Variants in AGMO observed in about 807,000 individuals in gnomAD.
The protein encoded by AGMO is glyceryl-ether monooxygenase.
A neutral mutation model predicts 60.2 loss-of-function variants in AGMO; 75 were observed. The observed-to-expected ratio is 1.25, with a 90% CI of 1.03 to 1.51. The LOEUF (loss-of-function observed/expected upper bound fraction) is 1.51, where lower values mean the gene tolerates loss of function less well. Ranked by LOEUF, AGMO falls within the 40% of genes most tolerant of loss-of-function variation. The probability of loss-of-function intolerance (pLI) is 0.00; values close to 1 mark genes in which losing one functional copy is unlikely to be tolerated. For synonymous variants in AGMO, 261 were observed against 177.1 expected, an observed-to-expected ratio of 1.47 and a Z score of -3.76; for missense variants, 763 against 525.5, an observed-to-expected ratio of 1.45 and a Z score of -4.42.
At chr7:15,271,510 T>A (rs908560673) in intron 12 of AGMO, among the ~76,000 whole-genome samples, 2 of 152,298 alleles carry the variant, frequency 1.3e-5, no homozygotes, top group East Asian at 3.9e-4. Context: ...CTTTTTATGT[T>A]AATTTTGTAT....
chr7:15,313,772 A>T (rs994772804), intron 12 of AGMO, among the ~76,000 whole-genome samples: 8 of 152,130 alleles, frequency 5.3e-5, no homozygotes, highest in African/African-American at 1.4e-4. Context: ...CCTATGATAA[A>T]GTTTAATTTA....
At chr7:15,194,845 CCT>C in the AGMO span, among the ~76,000 whole-genome samples, 78 of 152,164 alleles carry the variant, frequency 5.1e-4, no homozygotes, top group Middle Eastern at 0.01. Context: ...TCCAATACCC[CCT>C]GTCTAGAGAG....
At chr7:15,412,140 A>G (rs1034103569) in intron 5 of AGMO, among the ~76,000 whole-genome samples, 8 of 152,102 alleles carry the variant, frequency 5.3e-5, no homozygotes, top group African/African-American at 1.9e-4. Context: ...ATATTACTTC[A>G]TAATTCTGCT....
At position 15,365,622 on chromosome 7, in the gene AGMO, G is replaced by T; in HGVS notation, c.1158-3C>A. The T allele has an allele frequency of 6.2e-7, 1 of 1,602,580 alleles. No homozygotes were observed. The highest frequency in any genetic ancestry group is 8.5e-7 in the Non-Finnish European group (1 of 1,170,394). ...TTTCCATAATAGCTGCCTTGGGTCT[G>T]AAATAAAATGTCATTAACATGCATT... On this transcript the variant is annotated splice_region_variant and splice_polypyrimidine_tract_variant and intron_variant, in intron 11 of 12. Coordinates refer to ENST00000342526, the MANE Select transcript of AGMO (RefSeq NM_001004320.2).
At chr7:15,426,733 G>C (rs1001617072) in intron 4 of AGMO, among the ~76,000 whole-genome samples, 3 of 151,576 alleles carry the variant, frequency 2.0e-5, no homozygotes, top group African/African-American at 7.3e-5. Context: ...GGGCGACAGA[G>C]TGACAATTTG....
intron 3 of AGMO, among the ~76,000 whole-genome samples, chr7:15,449,699 A>G (rs1781808060): frequency 6.6e-6 from 1 of 152,194 alleles, no homozygotes; most frequent in African/African-American, 2.4e-5. Context: ...AGTGCAGTAT[A>G]TCTGTTATAG....
the AGMO span, among the ~76,000 whole-genome samples, chr7:15,173,413 T>C: frequency 6.6e-6 from 1 of 152,178 alleles, no homozygotes; most frequent in African/African-American, 2.4e-5. Flanking sequence ...TGGCATTTTA[T>C]ATAGTATTGA....
chr7:15,225,792 G>T (rs1782063055), intron 12 of AGMO, among the ~76,000 whole-genome samples: 1 of 151,886 alleles, frequency 6.6e-6, no homozygotes, highest in Non-Finnish European at 1.5e-5. Context: ...AACAAGCTCA[G>T]ACATAGTAAA....
the AGMO span, among the ~76,000 whole-genome samples, chr7:15,170,132 T>A: frequency 6.6e-6 from 1 of 152,344 alleles, no homozygotes. Flanking sequence ...TGCTGACATC[T>A]GTCTTCTGAC....
At chr7:15,295,003 C>G (rs1251404379) in intron 12 of AGMO, among the ~76,000 whole-genome samples, 1 of 151,494 alleles carries the variant, frequency 6.6e-6, no homozygotes, top group East Asian at 1.9e-4. Flanking sequence ...TAATAGGGAA[C>G]CAAATATATT....
At chr7:15,212,049 TGTTCCA>T (rs1460931423) in intron 12 of AGMO, among the ~76,000 whole-genome samples, 1 of 151,996 alleles carries the variant, frequency 6.6e-6, no homozygotes, top group African/African-American at 2.4e-5. Context: ...GGAGAATTAT[TGTTCCA>T]TATCTTTGCT....
At chr7:15,356,663 A>G (rs1026085294) in intron 12 of AGMO, among the ~76,000 whole-genome samples, 1 of 152,040 alleles carries the variant, frequency 6.6e-6, no homozygotes, top group African/African-American at 2.4e-5. Context: ...CTGGTATTAT[A>G]TAATTTTATT....
chr7:15,252,579 C>G (rs912510053), intron 12 of AGMO, among the ~76,000 whole-genome samples: 2 of 152,168 alleles, frequency 1.3e-5, no homozygotes, highest in Non-Finnish European at 2.9e-5. Context: ...CTGAATGACA[C>G]TGAACACCAC....
chr7:15,460,746 G>A (rs890614664), intron 3 of AGMO, among the ~76,000 whole-genome samples: 1 of 152,056 alleles, frequency 6.6e-6, no homozygotes, highest in Non-Finnish European at 1.5e-5. Flanking sequence ...AACCTTTGTA[G>A]CAAACTGATC....
chr7:15,288,845 A>G (rs1483339963), intron 12 of AGMO, among the ~76,000 whole-genome samples: 1 of 145,684 alleles, frequency 6.9e-6, no homozygotes, highest in Non-Finnish European at 1.5e-5. Flanking sequence ...TTAAAAAAAT[A>G]AAAAATAAAA....
intron 3 of AGMO, among the ~76,000 whole-genome samples, chr7:15,462,572 A>G (rs941902207): frequency 7.9e-5 from 12 of 152,174 alleles, no homozygotes; most frequent in Non-Finnish European, 1.2e-4. Context: ...AATTATAGTC[A>G]TGCAGGTTGC....
chr7:15,372,226 G>C (rs141294334), intron 10 of AGMO, among the ~76,000 whole-genome samples: 1 of 151,936 alleles, frequency 6.6e-6, no homozygotes, highest in Non-Finnish European at 1.5e-5. Flanking sequence ...TGAGGTGAGC[G>C]GATCACTTGA....
the AGMO span, among the ~76,000 whole-genome samples, chr7:15,141,820 T>A: frequency 2.6e-5 from 4 of 152,228 alleles, no homozygotes; most frequent in Non-Finnish European, 5.9e-5. Context: ...ATTAAACTTA[T>A]GTTTTTGTCA....
At chr7:15,355,277 C>T (rs541851153) in intron 12 of AGMO, among the ~76,000 whole-genome samples, 9 of 151,970 alleles carry the variant, frequency 5.9e-5, no homozygotes, top group South Asian at 2.1e-4. Context: ...CCGAGACGGG[C>T]GGATCACAAG....
Sources: gnomAD v4.1 joint callset for allele counts (sites outside exome capture counted in the v4.1 genomes callset) on GRCh38, gnomAD v4.1.1 for gene constraint, MANE v1.5 for transcripts, NCBI Gene and HGNC (gene_info 2026-07-23, HGNC 2026-07-21) for gene names.